NDRG4: variants seen among roughly 807,000 people sequenced by gnomAD.
NDRG4 encodes NDRG family member 4.
A neutral mutation model predicts 55.8 loss-of-function variants in NDRG4; 38 were observed. That is an observed-to-expected ratio of 0.68 (90% CI 0.53 to 0.89). NDRG4 has a LOEUF of 0.89. NDRG4 is among the 40% of genes least tolerant of loss of function. NDRG4 has a pLI of 0.00. For synonymous variants in NDRG4, 190 were observed against 182.7 expected (o/e 1.04, Z -0.32); for missense variants, 455 against 468.6 (o/e 0.97, Z 0.27).
In NDRG4 at chr16:58,464,550, C is replaced by T. The variant is rs1338763645; in HGVS notation, c.-24+753C>T. The T allele has an allele frequency of 1.2e-5, 15 of 1,227,520 alleles. No individual in the cohort carries two copies. The highest frequency in any genetic ancestry group is 7.9e-5 in the African/African-American group (5 of 63,466). 76.0% of individuals were successfully genotyped at this position (1,227,520 alleles called of 1,614,324 possible). A position where few individuals can be genotyped will look rare whatever the true frequency, so the allele number is the denominator to read the frequency against. ...GCGCGGCGGCCGGGGACTGGGGCGG[C>T]TCGGGTCTGAGCAGGAAGGGGTGCG... is the stretch of plus-strand genomic sequence containing the variant. On this transcript the variant is annotated intron_variant, in intron 1 of 15. Coordinates refer to the NDRG4 transcript ENST00000258187. The surrounding 1 kb of genome is among the most constrained non-coding windows in gnomAD (Gnocchi z 4.8).
Position 58,504,531 on chromosome 16 carries a change from T to A in NDRG4, c.312-58T>A, listed in dbSNP as rs1047500602. ...GGCTATGGGCAGGGCCTGCTCTGGA[T>A]GACATGTATGGGAAATGGCACCCCT... On this transcript the variant is annotated intron_variant, in intron 4 of 14. Transcript: ENST00000570248. The A allele has an allele frequency of 3.7e-6, 6 of 1,612,428 alleles. No individual in the cohort carries two copies. The African/African-American group carries it at 8.0e-5, about 22-fold the overall frequency.
intron 1 of NDRG4, among the ~76,000 whole-genome samples, chr16:58,466,818 A>G (rs745689101): frequency 1.4e-4 from 22 of 152,196 alleles, no homozygotes; most frequent in Non-Finnish European, 2.9e-4. Flanking sequence ...TAAAGATGGA[A>G]CTGTTGGCCC....
rs187251631 is a variant in NDRG4 at position 58,475,690 on chromosome 16, A to T, written c.-24+11893A>T. 2.3e-3 allele frequency: 1,046 copies of T among 455,566 alleles called. 6 individuals carry two copies. Among genetic ancestry groups the T allele is most frequent in the Non-Finnish European group, 2.8e-3 (631 of 226,644 alleles). 28.2% of individuals were successfully genotyped at this position (455,566 alleles called of 1,614,324 possible). On this transcript the variant is annotated intron_variant, in intron 1 of 15. Transcript: ENST00000258187. Reference sequence around the variant, plus strand: ...GACTCTTTATTTCTATATCACTACTATGCCACCTTTAGAATCCTGCCTTTG... The same window carrying T: ...GACTCTTTATTTCTATATCACTACTTTGCCACCTTTAGAATCCTGCCTTTG...
intron 1 of NDRG4, among the ~76,000 whole-genome samples, chr16:58,478,694 T>G (rs1158653399): frequency 3.7e-4 from 5 of 13,486 alleles, no homozygotes; most frequent in African/African-American, 2.7e-3. Context: ...TTTTTTGTTT[T>G]TTGTTTTTTT....
chr16:58,507,921 G>T, intron 9 of NDRG4, 27 bp from the exon 10 acceptor site: 2 of 1,613,500 alleles, frequency 1.2e-6, no homozygotes, highest in Non-Finnish European at 1.7e-6. Flanking sequence ...GACCCAGCCA[G>T]ACAGCCCTTT....
At chr16:58,477,974 G>A (rs1421947190) in intron 1 of NDRG4, among the ~76,000 whole-genome samples, 1 of 152,196 alleles carries the variant, frequency 6.6e-6, no homozygotes, top group Non-Finnish European at 1.5e-5. Flanking sequence ...TACAAACTGA[G>A]AAGGGCACCT....
chr16:58,484,720 G>A (rs13329752), intron 1 of NDRG4, among the ~76,000 whole-genome samples: 2,123 of 152,276 alleles, frequency 0.014, 50 homozygotes, highest in African/African-American at 0.049. Context: ...AAGTGGAAAA[G>A]CATGATGGAA....
intron 14 of NDRG4, 148 bp from the exon 15 acceptor site, chr16:58,511,274 C>A: frequency 2.2e-6 from 2 of 900,362 alleles, no homozygotes; most frequent in Non-Finnish European, 3.4e-6. Flanking sequence ...CCCAGCCCGA[C>A]AGCTGTCGCC....
At position 58,494,200 on chromosome 16, in the gene NDRG4, G is replaced by A. The variant is rs118027112; in HGVS notation, c.73-764G>A. On this transcript the variant is annotated intron_variant, in intron 2 of 15. Transcript: ENST00000258187. ...GCCCGCGGTCCGGTGGGTAGAACAC[G>A]CACTAGCCAGACTCAAACGGTTCAC... is the stretch of plus-strand genomic sequence containing the variant. Among the ~76,000 whole-genome samples, 837 of 152,300 alleles carry A rather than the reference G, an allele frequency of 5.5e-3. 2 individuals are homozygous for A. The highest frequency in any genetic ancestry group is 9.3e-3 in the Non-Finnish European group (630 of 68,022).
intron 5 of NDRG4, among the ~76,000 whole-genome samples, chr16:58,505,419 C>CA (rs374142391): frequency 0.15 from 12,256 of 81,720 alleles, 593 homozygotes; most frequent in Middle Eastern, 0.31. Context: ...TAAAAACAAG[C>CA]AAAAAAAAAA....
chr16:58,486,069 C>G (rs181470659), intron 1 of NDRG4, among the ~76,000 whole-genome samples: 1 of 152,216 alleles, frequency 6.6e-6, no homozygotes, highest in Non-Finnish European at 1.5e-5. Context: ...CATTTATATA[C>G]TTACAAGCCA....
chr16:58,487,886 G>A (rs1456492993), intron 2 of NDRG4: 2 of 1,461,474 alleles, frequency 1.4e-6, no homozygotes, highest in Non-Finnish European at 1.8e-6. Flanking sequence ...TCTTAGGGCC[G>A]AGCGCGCCAC....
chr16:58,475,989 G>C (rs2033568789), intron 1 of NDRG4, among the ~76,000 whole-genome samples: 1 of 152,134 alleles, frequency 6.6e-6, no homozygotes, highest in South Asian at 2.1e-4. Flanking sequence ...CAGAGATGGG[G>C]TTTTGCCATG....
chr16:58,477,474 G>C (rs938547571), intron 1 of NDRG4, among the ~76,000 whole-genome samples: 4 of 151,132 alleles, frequency 2.6e-5, no homozygotes, highest in Non-Finnish European at 4.4e-5. Flanking sequence ...ACTCCCAATG[G>C]CCAAGCCTGG....
intron 1 of NDRG4, among the ~76,000 whole-genome samples, chr16:58,502,780 C>T (rs534405210): frequency 6.6e-6 from 1 of 152,224 alleles, no homozygotes; most frequent in Non-Finnish European, 1.5e-5. Flanking sequence ...GGGCCACTCA[C>T]GTGGTTCCCA....
At chr16:58,496,579 A>G (rs1467929330), upstream of NDRG4, among the ~76,000 whole-genome samples, 3 of 152,020 alleles carry the variant, frequency 2.0e-5, no homozygotes, top group Non-Finnish European at 4.4e-5. Context: ...CAGAGGGACT[A>G]ACATGAGCCA....
intron 1 of NDRG4, among the ~76,000 whole-genome samples, chr16:58,484,786 C>G (rs2034880746): frequency 6.6e-6 from 1 of 152,090 alleles, no homozygotes; most frequent in Non-Finnish European, 1.5e-5. Flanking sequence ...CACCTCTGTG[C>G]TACTTAACTC....
At chr16:58,484,362 G>C (rs913181914) in intron 1 of NDRG4, among the ~76,000 whole-genome samples, 2 of 152,094 alleles carry the variant, frequency 1.3e-5, no homozygotes, top group Admixed American at 6.5e-5. Flanking sequence ...GACAGAGTAA[G>C]AATCCGTCTA....
intron 1 of NDRG4, among the ~76,000 whole-genome samples, chr16:58,502,932 G>C (rs575629261): frequency 6.6e-6 from 1 of 152,354 alleles, no homozygotes; most frequent in African/African-American, 2.4e-5. Context: ...GGATGCCCTA[G>C]CATAACAGCC....
Sources: allele counts gnomAD v4.1 joint callset (sites outside exome capture counted in the v4.1 genomes callset), GRCh38; gene constraint gnomAD v4.1.1; non-coding constraint Gnocchi (gnomAD v3.1); transcripts MANE v1.5; gene names NCBI Gene and HGNC (gene_info 2026-07-23, HGNC 2026-07-21).